The following GABRB2 variants were observed in gnomAD, a reference collection of about 807,000 sequenced individuals.
GABRB2 encodes the protein gamma-aminobutyric acid type A receptor subunit beta2.
A neutral mutation model predicts 54.7 loss-of-function variants in GABRB2; 16 were observed. The observed-to-expected ratio is 0.29, with a 90% CI of 0.20 to 0.44. GABRB2 has a LOEUF of 0.44. Among genes scored for constraint, GABRB2 ranks in the 20% least tolerant of loss-of-function variants. The probability of loss-of-function intolerance (pLI) is 1.00; values close to 1 mark genes in which losing one functional copy is unlikely to be tolerated. For missense variants in GABRB2, 355 were observed against 644.0 expected (o/e 0.55, Z 4.86); for synonymous variants, 244 against 233.8 (o/e 1.04, Z -0.40).
intron 3 of GABRB2, among the ~76,000 whole-genome samples, chr5:161,486,957 G>C (rs1422188916): frequency 6.6e-6 from 1 of 151,794 alleles, no homozygotes; most frequent in African/African-American, 2.4e-5. Flanking sequence ...ACAGGAGAAA[G>C]GCTGAAATTA....
At chr5:161,349,478 A>T (rs1038084379) in intron 5 of GABRB2, among the ~76,000 whole-genome samples, 1 of 152,108 alleles carries the variant, frequency 6.6e-6, no homozygotes, top group Non-Finnish European at 1.5e-5. Context: ...TTGATAGCCC[A>T]CAAATGGTGG....
chr5:161,297,546 T>C (rs1757417451), intron 9 of GABRB2, among the ~76,000 whole-genome samples: 1 of 152,146 alleles, frequency 6.6e-6, no homozygotes, highest in Admixed American at 6.5e-5. Flanking sequence ...GGTTTTCTGT[T>C]CCTATCTTAA....
intron 9 of GABRB2, among the ~76,000 whole-genome samples, chr5:161,303,809 G>A (rs921755213): frequency 6.6e-6 from 1 of 152,054 alleles, no homozygotes; most frequent in African/African-American, 2.4e-5. Flanking sequence ...ATGAGCGCAG[G>A]TTCTAATCCC....
chr5:161,410,691 G>A (rs1287578171), intron 5 of GABRB2, among the ~76,000 whole-genome samples: 1 of 152,164 alleles, frequency 6.6e-6, no homozygotes, highest in African/African-American at 2.4e-5. Context: ...TTAAATGCCT[G>A]AAATAGCCCT....
At chr5:161,533,545 GT>G (rs1373981400) in intron 3 of GABRB2, among the ~76,000 whole-genome samples, 3 of 151,978 alleles carry the variant, frequency 2.0e-5, no homozygotes, top group African/African-American at 7.2e-5. Flanking sequence ...TTTAAATTCA[GT>G]TATTTATTTT....
intron 5 of GABRB2, among the ~76,000 whole-genome samples, chr5:161,401,235 TG>T (rs1284671016): frequency 6.6e-6 from 1 of 152,130 alleles, no homozygotes. Context: ...CTTGTGAGAG[TG>T]GGAGATAGTA....
intron 4 of GABRB2, among the ~76,000 whole-genome samples, chr5:161,442,462 T>C (rs995448729): frequency 6.6e-6 from 1 of 152,188 alleles, no homozygotes; most frequent in African/African-American, 2.4e-5. Flanking sequence ...TGTAGCCATA[T>C]GGAAAACTTA....
chr5:161,349,724 A>T (rs1754419398), intron 5 of GABRB2, among the ~76,000 whole-genome samples: 1 of 152,146 alleles, frequency 6.6e-6, no homozygotes, highest in Non-Finnish European at 1.5e-5. Flanking sequence ...CTCTCCAGAT[A>T]ACAGTCAGAA....
At chr5:161,446,471 C>T (rs1195593747) in intron 4 of GABRB2, among the ~76,000 whole-genome samples, 1 of 152,092 alleles carries the variant, frequency 6.6e-6, no homozygotes, top group Non-Finnish European at 1.5e-5. Context: ...GAGTACGTCC[C>T]TGTCTGCTCT....
intron 3 of GABRB2, among the ~76,000 whole-genome samples, chr5:161,506,518 CATT>C (rs752728008): frequency 1.9e-4 from 29 of 152,252 alleles, no homozygotes; most frequent in East Asian, 3.9e-4. Flanking sequence ...ATTTTCCACA[CATT>C]GTTGTTTTTG....
chr5:161,517,489 T>C (rs993515902), intron 3 of GABRB2, among the ~76,000 whole-genome samples: 20 of 152,320 alleles, frequency 1.3e-4, no homozygotes, highest in Non-Finnish European at 2.5e-4. Flanking sequence ...TTGAAGTCAA[T>C]TGAGGAAATA....
At chr5:161,331,189 G>C in intron 7 of GABRB2, 62 bp from the exon 8 acceptor site, 1 of 1,480,858 alleles carries the variant, frequency 6.8e-7, no homozygotes, top group Non-Finnish European at 9.0e-7. Flanking sequence ...TTTCTTAATA[G>C]CTGGAAAGGT....
chr5:161,482,079 C>G (rs1314385260), intron 3 of GABRB2, among the ~76,000 whole-genome samples: 14 of 152,012 alleles, frequency 9.2e-5, no homozygotes, highest in Admixed American at 9.2e-4. Flanking sequence ...GCATGGGATT[C>G]CCCTGTCTCA....
intron 4 of GABRB2, among the ~76,000 whole-genome samples, chr5:161,451,340 G>T (rs985990836): frequency 6.6e-6 from 1 of 152,108 alleles, no homozygotes; most frequent in Non-Finnish European, 1.5e-5. Flanking sequence ...GTGAAGTCAA[G>T]GTGTCCCCCC....
At chr5:161,514,852 A>G (rs1384598801) in intron 3 of GABRB2, among the ~76,000 whole-genome samples, 1 of 152,178 alleles carries the variant, frequency 6.6e-6, no homozygotes, top group East Asian at 1.9e-4. Context: ...GAGTTTAGGA[A>G]ATTGATTAAT....
chr5:161,384,841 A>C (rs145078222), intron 5 of GABRB2, among the ~76,000 whole-genome samples: 38 of 152,302 alleles, frequency 2.5e-4, no homozygotes, highest in African/African-American at 8.4e-4. Flanking sequence ...TCCTGCCTAC[A>C]TCCCCATTCT....
chr5:161,395,180 G>A (rs1755956836), intron 5 of GABRB2, among the ~76,000 whole-genome samples: 1 of 152,050 alleles, frequency 6.6e-6, no homozygotes, highest in African/African-American at 2.4e-5. Context: ...CTGATAGCTG[G>A]AGCCCAATTT....
intron 5 of GABRB2, among the ~76,000 whole-genome samples, chr5:161,395,932 T>C (rs965575941): frequency 2.2e-4 from 34 of 152,232 alleles, no homozygotes; most frequent in African/African-American, 7.5e-4. Flanking sequence ...TTTGGAGAAT[T>C]TGTGATTAAG....
chr5:161,539,094 A>T (rs1227353180), intron 3 of GABRB2, among the ~76,000 whole-genome samples: 1 of 152,222 alleles, frequency 6.6e-6, no homozygotes, highest in Non-Finnish European at 1.5e-5. Context: ...AAAGTGAAAT[A>T]TTGCTTCACT....
Sources: gnomAD v4.1 joint callset for allele counts (sites outside exome capture counted in the v4.1 genomes callset) on GRCh38, gnomAD v4.1.1 for gene constraint, MANE v1.5 for transcripts, NCBI Gene and HGNC (gene_info 2026-07-23, HGNC 2026-07-21) for gene names.